ENTREP2: variants seen among roughly 807,000 people sequenced by gnomAD.
ENTREP2 encodes the protein endosomal transmembrane epsin interactor 2.
the ENTREP2 span, among the ~76,000 whole-genome samples, chr15:29,489,876 T>C: frequency 6.6e-6 from 1 of 152,240 alleles, no homozygotes; most frequent in Non-Finnish European, 1.5e-5. Context: ...GGTCTCGAGA[T>C]GGCTGATGCT....
At chr15:29,273,306 C>A in the ENTREP2 span, among the ~76,000 whole-genome samples, 1 of 151,230 alleles carries the variant, frequency 6.6e-6, no homozygotes. Flanking sequence ...TCAAGAGATC[C>A]TCACATCTCA....
At chr15:29,478,015 ATATATTT>A in the ENTREP2 span, among the ~76,000 whole-genome samples, 5 of 62,402 alleles carry the variant, frequency 8.0e-5, no homozygotes, top group African/African-American at 4.0e-4. Context: ...ATATATATAT[ATATATTT>A]TTTTTTTTTT....
the ENTREP2 span, among the ~76,000 whole-genome samples, chr15:29,558,158 G>A: frequency 6.6e-6 from 1 of 152,120 alleles, no homozygotes; most frequent in Non-Finnish European, 1.5e-5. Flanking sequence ...ATCTGGGGGT[G>A]GGGTTTCTTG....
At chr15:29,474,392 A>T in the ENTREP2 span, among the ~76,000 whole-genome samples, 2 of 152,114 alleles carry the variant, frequency 1.3e-5, no homozygotes. Flanking sequence ...CCCTTCAGAA[A>T]ACACTGTCAT....
At chr15:29,506,059 G>A in the ENTREP2 span, among the ~76,000 whole-genome samples, 2 of 152,078 alleles carry the variant, frequency 1.3e-5, no homozygotes, top group East Asian at 3.9e-4. Flanking sequence ...GCTTAGAGAA[G>A]AACATAAATG....
At chr15:29,360,958 C>G in the ENTREP2 span, among the ~76,000 whole-genome samples, 1 of 152,224 alleles carries the variant, frequency 6.6e-6, no homozygotes, top group Non-Finnish European at 1.5e-5. Flanking sequence ...AGAGAAGACT[C>G]AACAACCTGT....
At chr15:29,213,222 C>G in the ENTREP2 span, among the ~76,000 whole-genome samples, 49 of 152,142 alleles carry the variant, frequency 3.2e-4, no homozygotes, top group African/African-American at 1.1e-3. Context: ...AGTCAGGTAG[C>G]GTGATGCCTC....
chr15:29,560,535 G>A, the ENTREP2 span, among the ~76,000 whole-genome samples: 11 of 152,192 alleles, frequency 7.2e-5, no homozygotes, highest in African/African-American at 2.6e-4. Flanking sequence ...CACTGCCAGG[G>A]TGTCCCTTGC....
At chr15:29,625,076 A>G in the ENTREP2 span, among the ~76,000 whole-genome samples, 1 of 151,932 alleles carries the variant, frequency 6.6e-6, no homozygotes, top group South Asian at 2.1e-4. Flanking sequence ...CTATCTCTAT[A>G]GTTTTGTCAT....
the ENTREP2 span, among the ~76,000 whole-genome samples, chr15:29,313,257 T>C: frequency 6.6e-6 from 1 of 152,172 alleles, no homozygotes; most frequent in Admixed American, 6.5e-5. Context: ...CTAAGATAAC[T>C]GATGAAGGTG....
chr15:29,533,115 A>G, the ENTREP2 span, among the ~76,000 whole-genome samples: 2 of 152,144 alleles, frequency 1.3e-5, no homozygotes, highest in Non-Finnish European at 2.9e-5. Flanking sequence ...GCTTCGTAGC[A>G]GCACTCTACA....
the ENTREP2 span, among the ~76,000 whole-genome samples, chr15:29,660,446 C>T: frequency 4.6e-5 from 7 of 152,084 alleles, no homozygotes; most frequent in Non-Finnish European, 7.3e-5. Context: ...TCTTTGACTT[C>T]GCAGCCTCCA....
the ENTREP2 span, among the ~76,000 whole-genome samples, chr15:29,590,255 C>G: frequency 6.6e-6 from 1 of 152,114 alleles, no homozygotes; most frequent in South Asian, 2.1e-4. Flanking sequence ...ACCTTAGGGT[C>G]AGGAAGTAGA....
chr15:29,234,354 T>G, the ENTREP2 span: 1 of 1,586,524 alleles, frequency 6.3e-7, no homozygotes, highest in Admixed American at 1.7e-5. Context: ...CCATCTTCAC[T>G]GTAACACAGA....
chr15:29,418,405 C>G, the ENTREP2 span, among the ~76,000 whole-genome samples: 131 of 152,282 alleles, frequency 8.6e-4, 1 homozygote, highest in African/African-American at 3.1e-3. Flanking sequence ...ACCCTCCGTG[C>G]AGAGTACAGA....
the ENTREP2 span, among the ~76,000 whole-genome samples, chr15:29,449,682 C>T: frequency 6.6e-6 from 1 of 152,152 alleles, no homozygotes; most frequent in Non-Finnish European, 1.5e-5. Context: ...AACAAAATTA[C>T]ACCAAACTTG....
the ENTREP2 span, among the ~76,000 whole-genome samples, chr15:29,215,826 T>C: frequency 6.6e-6 from 1 of 152,076 alleles, no homozygotes; most frequent in South Asian, 2.1e-4. Context: ...CAGATGGTTG[T>C]TGAGTTCTGA....
the ENTREP2 span, among the ~76,000 whole-genome samples, chr15:29,588,758 G>A: frequency 6.6e-6 from 1 of 152,138 alleles, no homozygotes; most frequent in Non-Finnish European, 1.5e-5. Context: ...AGCACTTTGG[G>A]AGGCTGAGGC....
At chr15:29,119,723 G>A in the ENTREP2 span, among the ~76,000 whole-genome samples, 4,858 of 147,664 alleles carry the variant, frequency 0.033, 498 homozygotes, top group African/African-American at 0.12. Flanking sequence ...AATTCTCGAC[G>A]TGGCCAACAA....
Sources: allele counts gnomAD v4.1 joint callset (sites outside exome capture counted in the v4.1 genomes callset), GRCh38; gene constraint gnomAD v4.1.1; transcripts MANE v1.5; gene names NCBI Gene and HGNC (gene_info 2026-07-23, HGNC 2026-07-21).